Variants in IRS1 observed in about 807,000 individuals in gnomAD.
The protein encoded by IRS1 is insulin receptor substrate 1.
Under a neutral mutation model 65.6 loss-of-function variants are expected in IRS1, and 34 were observed. That is an observed-to-expected ratio of 0.52 (90% CI 0.39 to 0.69). The LOEUF is 0.69. Ranked by LOEUF, IRS1 falls within the 30% of genes least tolerant of loss-of-function variation. The pLI, the probability that IRS1 is intolerant of heterozygous loss-of-function variation, is 0.00. For missense variants in IRS1, 1,641 were observed against 1,720.2 expected (o/e 0.95, Z 0.81); for synonymous variants, 699 against 683.5 (o/e 1.02, Z -0.35).
intron 1 of IRS1, among the ~76,000 whole-genome samples, chr2:226,781,751 G>C (rs1164932903): frequency 1.3e-5 from 2 of 152,234 alleles, no homozygotes; most frequent in Non-Finnish European, 2.9e-5. Context: ...GTAGGGACTT[G>C]TGAGGGACTA....
intron 1 of IRS1, among the ~76,000 whole-genome samples, chr2:226,742,613 A>C (rs949911059): frequency 3.3e-5 from 5 of 151,998 alleles, no homozygotes; most frequent in Non-Finnish European, 5.9e-5. Context: ...AACATATGAG[A>C]GGCCATCTCG....
chr2:226,761,462 T>A (rs566371954), intron 1 of IRS1, among the ~76,000 whole-genome samples: 1 of 152,164 alleles, frequency 6.6e-6, no homozygotes, highest in African/African-American at 2.4e-5. Flanking sequence ...AAGAGCTCTA[T>A]CCCAGGGAAA....
At chr2:226,770,942 T>C (rs1323644585) in intron 1 of IRS1, among the ~76,000 whole-genome samples, 1 of 152,130 alleles carries the variant, frequency 6.6e-6, no homozygotes, top group Non-Finnish European at 1.5e-5. Flanking sequence ...GGAGGATCTC[T>C]TGAGCACAAG....
intron 1 of IRS1, among the ~76,000 whole-genome samples, chr2:226,781,455 A>G (rs748407003): frequency 2.6e-5 from 4 of 152,202 alleles, no homozygotes; most frequent in Non-Finnish European, 5.9e-5. Context: ...GAGAAGAGAC[A>G]CATTAATTAA....
chr2:226,749,314 G>A (rs904849730), intron 1 of IRS1, among the ~76,000 whole-genome samples: 1 of 152,158 alleles, frequency 6.6e-6, no homozygotes, highest in African/African-American at 2.4e-5. Flanking sequence ...TTACCCTTTA[G>A]AGATAGTTTT....
At chr2:226,743,283 G>A (rs1013762712) in intron 1 of IRS1, among the ~76,000 whole-genome samples, 4 of 151,778 alleles carry the variant, frequency 2.6e-5, no homozygotes, top group African/African-American at 9.7e-5. Context: ...AGGCAGGAGT[G>A]CAGTGGTGCC....
intron 1 of IRS1, among the ~76,000 whole-genome samples, chr2:226,776,218 C>T (rs1452096291): frequency 1.3e-5 from 2 of 152,080 alleles, no homozygotes; most frequent in East Asian, 3.9e-4. Flanking sequence ...AAAGCTGGAA[C>T]AATTTGAGCA....
At chr2:226,763,487 G>A (rs1938962371) in intron 1 of IRS1, among the ~76,000 whole-genome samples, 1 of 152,146 alleles carries the variant, frequency 6.6e-6, no homozygotes, top group Non-Finnish European at 1.5e-5. Context: ...ATGCCAACGT[G>A]AAAATGAAAC....
rs1939721497 is a variant in IRS1, at chr2:226,796,269, T to C, written c.2470A>G (p.Arg824Gly). ...GGATGTGGAAGGCTGGGCTCCAGCC[T>C]AGCCCCGCAGTATCCCCCACCCAGG... Reference protein sequence around the residue: ...DSLGGGYCGARLEPSLPHPHH... With the variant: ...DSLGGGYCGAGLEPSLPHPHH... The change falls in exon 1 of 2, where the codon AGG (arginine) becomes GGG (glycine). Residue 824 changes from arginine (R) to glycine (G), a missense_variant. Arg to Gly is a moderately radical substitution (Grantham distance 125). Around this residue, in one of 3 missense-constraint regions of IRS1, gnomAD observed 1,324 missense variants for 1,361.0 expected, o/e 0.97. Coordinates refer to ENST00000305123, the MANE Select transcript of IRS1 (RefSeq NM_005544.3). The C allele has an allele frequency of 2.5e-6, 4 of 1,613,494 alleles. No homozygotes were observed. Among genetic ancestry groups the C allele is most frequent in the South Asian group, 1.1e-5 (1 of 91,082 alleles).
chr2:226,796,304 C>T lies in IRS1; in HGVS notation c.2435G>A (p.Ser812Asn), dbSNP rs1163258906. 1.2e-5 allele frequency: 19 copies of T among 1,613,496 alleles called. No individual in the cohort carries two copies. The highest frequency in any genetic ancestry group is 1.5e-5 in the Non-Finnish European group (18 of 1,180,032). Residue 812 changes from serine (S) to asparagine (N), a missense_variant, in exon 1 of 2, where the codon AGC becomes AAC. Physicochemically the swap from Ser to Asn is conservative, Grantham distance 46 (BLOSUM62 1). Coordinates refer to ENST00000305123, the MANE Select transcript of IRS1 (RefSeq NM_005544.3). ...GTATCCCCCACCCAGGCTGTCGCTG[C>T]TGGTGGAAGAGGAAGAATCATCTGC... The part of the protein sequence containing the change: ...ATADDSSSST[S>N]SDSLGGGYCG...
At position 226,798,944 on chromosome 2, in the gene IRS1, C is replaced by T. The variant is rs909667335; in HGVS notation, c.-206G>A. 1.6e-5 allele frequency: 23 copies of T among 1,448,010 alleles called. No individual in the cohort carries two copies. Among genetic ancestry groups the T allele is most frequent in the Non-Finnish European group, 1.9e-5 (21 of 1,099,572 alleles). 89.7% of individuals were successfully genotyped at this position (1,448,010 alleles called of 1,614,324 possible). ...TGCTGAGCCCAGGAGAGAGCCCGAC[C>T]GGAGTTTTCGGGCGCTTCACGCCCG... On this transcript the variant is annotated 5_prime_UTR_variant, in exon 1 of 2. Coordinates refer to ENST00000305123, the MANE Select transcript of IRS1 (RefSeq NM_005544.3). The surrounding 1 kb of genome is among the most constrained non-coding windows in gnomAD (Gnocchi z 9.4).
At chr2:226,792,001 G>GTA (rs1574662122) in intron 1 of IRS1, 1 of 152,530 alleles carries the variant, frequency 6.6e-6, no homozygotes, top group East Asian at 1.9e-4. Flanking sequence ...GGCCGAGAGG[G>GTA]TTTGCGCCAG....
chr2:226,789,922 A>G (rs911924914), intron 1 of IRS1, among the ~76,000 whole-genome samples: 1 of 152,230 alleles, frequency 6.6e-6, no homozygotes, highest in African/African-American at 2.4e-5. Flanking sequence ...AGTTAATGTC[A>G]GGCCTGAATC....
intron 1 of IRS1, among the ~76,000 whole-genome samples, chr2:226,758,817 G>A (rs142206945): frequency 6.6e-6 from 1 of 152,106 alleles, no homozygotes; most frequent in African/African-American, 2.4e-5. Context: ...CTCCAAATTA[G>A]CCAGACAGGA....
chr2:226,769,877 C>T (rs760245997), intron 1 of IRS1, among the ~76,000 whole-genome samples: 5 of 152,114 alleles, frequency 3.3e-5, no homozygotes, highest in Non-Finnish European at 7.3e-5. Flanking sequence ...AGCCATTGAT[C>T]GCCTTACTGC....
At chr2:226,741,549 T>C (rs1379169562) in intron 1 of IRS1, among the ~76,000 whole-genome samples, 1 of 152,102 alleles carries the variant, frequency 6.6e-6, no homozygotes, top group East Asian at 1.9e-4. Context: ...CTGACAATGA[T>C]GCCTGTAACC....
chr2:226,774,877 C>A (rs1326682729), intron 1 of IRS1, among the ~76,000 whole-genome samples: 1 of 152,116 alleles, frequency 6.6e-6, no homozygotes, highest in African/African-American at 2.4e-5. Context: ...TTATGACATT[C>A]TGGAAAAGGC....
At position 226,799,175 on chromosome 2, in the gene IRS1, C is replaced by T; in HGVS notation, c.-437G>A. ...GCGCGCGCCTTCCCTCCTGAGTTCC[C>T]CTCTGGAAGCAGCGATTCCCGAGGC... On this transcript the variant is annotated 5_prime_UTR_variant, in exon 1 of 2. Coordinates refer to ENST00000305123, the MANE Select transcript of IRS1 (RefSeq NM_005544.3). The surrounding 1 kb of genome is among the most constrained non-coding windows in gnomAD (Gnocchi z 6.1). The T allele has an allele frequency of 9.0e-7, 1 of 1,112,646 alleles. No homozygotes were observed. Among genetic ancestry groups the T allele is most frequent in the Admixed American group, 4.8e-5 (1 of 21,020 alleles). 68.9% of individuals were successfully genotyped at this position (1,112,646 alleles called of 1,614,324 possible).
chr2:226,746,757 A>G (rs1559147786), intron 1 of IRS1, among the ~76,000 whole-genome samples: 1 of 145,450 alleles, frequency 6.9e-6, no homozygotes, highest in African/African-American at 2.5e-5. Flanking sequence ...GGAAAAAGCC[A>G]CTTGCTTAAA....
Sources: allele counts gnomAD v4.1 joint callset (sites outside exome capture counted in the v4.1 genomes callset), GRCh38; gene constraint gnomAD v4.1.1; regional missense constraint gnomAD v4.1.1; non-coding constraint Gnocchi (gnomAD v3.1); transcripts MANE v1.5; gene names NCBI Gene and HGNC (gene_info 2026-07-23, HGNC 2026-07-21).